The following ZSWIM6 variants were observed in gnomAD, a reference collection of about 807,000 sequenced individuals.
ZSWIM6 encodes zinc finger SWIM-type containing 6, also known as zinc finger SWIM domain-containing protein 6.
A neutral mutation model predicts 113.2 loss-of-function variants in ZSWIM6; 9 were observed. The observed-to-expected ratio is 0.08, with a 90% confidence interval of 0.05 to 0.14. The LOEUF (loss-of-function observed/expected upper bound fraction) is 0.14. Ranked by LOEUF, ZSWIM6 falls within the 10% of genes least tolerant of loss-of-function variation. The pLI is 1.00. For synonymous variants in ZSWIM6, 611 were observed against 606.5 expected (o/e 1.01, Z -0.11); for missense variants, 1,162 against 1,552.2 (o/e 0.75, Z 4.22).
Position 61,332,520 on chromosome 5 carries a change from G to A in ZSWIM6, c.248G>A (p.Arg83His). 2.3e-6 allele frequency: 3 copies of A among 1,325,188 alleles called. No individual in the cohort carries two copies. The highest frequency in any genetic ancestry group is 3.0e-6 in the Non-Finnish European group (3 of 1,009,102). 82.1% of individuals were successfully genotyped at this position (1,325,188 alleles called of 1,614,324 possible). Residue 83 changes from arginine (R) to histidine (H), a missense_variant, in exon 1 of 14, where the codon CGC becomes CAC. Transcript: ENST00000252744. ...GAGTCGCTGCTGGACATCGCGGCGC[G>A]CAGGGTGGCGGAGAAGTGGCCGTTC... ...SPESLLDIAA[R>H]RVAEKWPFQR... is the part of the protein sequence containing the mutation.
At chr5:61,447,835 G>A (rs1307013692) in intron 1 of ZSWIM6, among the ~76,000 whole-genome samples, 2 of 152,188 alleles carry the variant, frequency 1.3e-5, no homozygotes, top group African/African-American at 4.8e-5. Context: ...AGGAGATGGG[G>A]GAGATCAGTC....
chr5:61,356,730 TA>T (rs1744918599), intron 1 of ZSWIM6, among the ~76,000 whole-genome samples: 3 of 66,688 alleles, frequency 4.5e-5, no homozygotes, highest in Non-Finnish European at 9.1e-5. Flanking sequence ...ACATAATATA[TA>T]ATATATATTA....
chr5:61,541,822 C>G (rs1330771417), intron 12 of ZSWIM6, 62 bp from the exon 13 acceptor site: 42 of 1,366,892 alleles, frequency 3.1e-5, no homozygotes, highest in Non-Finnish European at 4.3e-5. Flanking sequence ...GTTTATCCCC[C>G]CCCTTTTTTT....
intron 1 of ZSWIM6, among the ~76,000 whole-genome samples, chr5:61,437,732 A>AG (rs1434982018): frequency 1.3e-4 from 20 of 151,476 alleles, no homozygotes; most frequent in Non-Finnish European, 2.5e-4. Flanking sequence ...AAAAAAAAAA[A>AG]AAAAAAAGAA....
intron 1 of ZSWIM6, among the ~76,000 whole-genome samples, chr5:61,359,732 C>G (rs1744991659): frequency 6.6e-6 from 1 of 152,006 alleles, no homozygotes; most frequent in African/African-American, 2.4e-5. Flanking sequence ...AAAGTGCTTT[C>G]TAGGGGCCAG....
At chr5:61,356,408 A>G (rs1744907722) in intron 1 of ZSWIM6, among the ~76,000 whole-genome samples, 1 of 151,986 alleles carries the variant, frequency 6.6e-6, no homozygotes, top group Non-Finnish European at 1.5e-5. Flanking sequence ...GTTAGAATTC[A>G]TTTTATTTTC....
chr5:61,509,389 G>T (rs996436765), intron 4 of ZSWIM6, among the ~76,000 whole-genome samples: 2 of 152,158 alleles, frequency 1.3e-5, no homozygotes, highest in Admixed American at 1.3e-4. Context: ...TAGACTAGAA[G>T]TGTTTTGGCA....
intron 1 of ZSWIM6, among the ~76,000 whole-genome samples, chr5:61,373,278 G>C (rs920185421): frequency 1.3e-5 from 2 of 151,272 alleles, no homozygotes; most frequent in African/African-American, 4.9e-5. Flanking sequence ...ATTTATTGAA[G>C]CTTTGCTAGA....
At chr5:61,341,438 T>C (rs766043523) in intron 1 of ZSWIM6, among the ~76,000 whole-genome samples, 12 of 152,228 alleles carry the variant, frequency 7.9e-5, no homozygotes, top group Non-Finnish European at 1.8e-4. Flanking sequence ...TTTAGAAGTT[T>C]GGTGATGTTT....
intron 4 of ZSWIM6, among the ~76,000 whole-genome samples, chr5:61,509,640 C>T (rs1748724341): frequency 6.6e-6 from 1 of 152,044 alleles, no homozygotes; most frequent in Non-Finnish European, 1.5e-5. Context: ...AGACTGGAGT[C>T]CTGGGAGCTA....
At position 61,332,832 on chromosome 5, in the gene ZSWIM6, G is replaced by GGGCCCC. The variant is rs1424840982; in HGVS notation, c.562_567dup (p.Ala188_Pro189dup). The GGGCCCC allele has an allele frequency of 1.0e-6, 1 of 1,000,254 alleles. No individual in the cohort carries two copies. The highest frequency in any genetic ancestry group is 1.8e-5 in the African/African-American group (1 of 56,414). The allele number at this position is 1,000,254 out of a possible 1,614,324, so 62.0% of individuals were successfully genotyped here. ...GCCGCCGCCGCCGCCGCGGGGGCCG[G>GGGCCCC]GGCCCCGTCGGTGGGGGCTGCCGGG... On this transcript the variant is annotated inframe_insertion, in exon 1 of 14. Coordinates refer to ENST00000252744, the MANE Select transcript of ZSWIM6 (RefSeq NM_020928.2).
intron 4 of ZSWIM6, among the ~76,000 whole-genome samples, chr5:61,515,862 T>C (rs1485292944): frequency 6.6e-6 from 1 of 152,146 alleles, no homozygotes. Context: ...CCGAGTCATC[T>C]GGGATTATGT....
intron 4 of ZSWIM6, among the ~76,000 whole-genome samples, chr5:61,501,094 A>G (rs1748454324): frequency 6.6e-6 from 1 of 152,168 alleles, no homozygotes; most frequent in Non-Finnish European, 1.5e-5. Flanking sequence ...TCCCTCCAGC[A>G]CTGTTCTCAG....
intron 1 of ZSWIM6, among the ~76,000 whole-genome samples, chr5:61,426,279 A>G (rs1746460560): frequency 6.6e-6 from 1 of 152,250 alleles, no homozygotes; most frequent in Non-Finnish European, 1.5e-5. Context: ...TATTAAAATA[A>G]TTTATTTGAT....
intron 1 of ZSWIM6, among the ~76,000 whole-genome samples, chr5:61,389,554 C>CAAAAA (rs60533774): frequency 1.8e-4 from 9 of 50,956 alleles, no homozygotes; most frequent in African/African-American, 4.4e-4. Flanking sequence ...GACTCAGTCT[C>CAAAAA]AAAAAAAAAA....
chr5:61,449,865 T>G (rs1427060622), intron 1 of ZSWIM6, among the ~76,000 whole-genome samples: 3 of 152,122 alleles, frequency 2.0e-5, no homozygotes, highest in African/African-American at 7.2e-5. Flanking sequence ...TCCCAGTTGA[T>G]CTCCAGGTGT....
intron 1 of ZSWIM6, among the ~76,000 whole-genome samples, chr5:61,372,139 G>A (rs1190820810): frequency 4.0e-5 from 6 of 150,928 alleles, no homozygotes; most frequent in African/African-American, 1.2e-4. Context: ...TTAATTTTGG[G>A]GCATTATTGA....
rs1580076118 is a variant in ZSWIM6, at chr5:61,543,191, G to A, written c.2786-264G>A. Among the ~76,000 whole-genome samples the A allele has an allele frequency of 6.6e-6, 1 of 151,842 alleles. No homozygotes were observed. ...AAGCCATTGTCTGAAATGGCAAGCA[G>A]CACAGTACAAATACCAGCTACCAAG... On this transcript the variant is annotated intron_variant, in intron 13 of 13. Coordinates refer to ENST00000252744, the MANE Select transcript of ZSWIM6 (RefSeq NM_020928.2). This position sits in a 1 kb window ranked among gnomAD's most constrained non-coding sequence, Gnocchi z 4.3.
chr5:61,537,876 G>A (rs1749621377), intron 10 of ZSWIM6, among the ~76,000 whole-genome samples: 1 of 152,140 alleles, frequency 6.6e-6, no homozygotes, highest in African/African-American at 2.4e-5. Context: ...TAAGCTTTTT[G>A]GTACTTTTAG....
Sources: gnomAD v4.1 joint callset for allele counts (sites outside exome capture counted in the v4.1 genomes callset) on GRCh38, gnomAD v4.1.1 for gene constraint, Gnocchi (gnomAD v3.1) non-coding constraint, MANE v1.5 for transcripts, NCBI Gene and HGNC (gene_info 2026-07-23, HGNC 2026-07-21) for gene names.